Variants in ADAM10 observed in about 807,000 individuals in gnomAD.
ADAM10 encodes the protein ADAM metallopeptidase domain 10.
In ADAM10, 17 loss-of-function variants were observed where a neutral mutation model predicts 90.1. That is an observed-to-expected ratio of 0.19 (90% CI 0.13 to 0.28). The LOEUF (loss-of-function observed/expected upper bound fraction) is 0.28, where lower values mean the gene tolerates loss of function less well. Among genes scored for constraint, ADAM10 ranks in the 10% least tolerant of loss-of-function variants. ADAM10 has a pLI of 1.00. For missense variants in ADAM10, 610 were observed against 914.3 expected, an observed-to-expected ratio of 0.67 and a Z score of 4.29; for synonymous variants, 310 against 298.6, an observed-to-expected ratio of 1.04 and a Z score of -0.40.
chr15:58,636,902 C>CA (rs1328456959), intron 8 of ADAM10, among the ~76,000 whole-genome samples: 1 of 152,106 alleles, frequency 6.6e-6, no homozygotes, highest in African/African-American at 2.4e-5. Context: ...CAAGTGATAC[C>CA]AGGAAATGTG....
chr15:58,678,583 A>G (rs1320857299), intron 4 of ADAM10, among the ~76,000 whole-genome samples: 3 of 152,204 alleles, frequency 2.0e-5, no homozygotes, highest in Non-Finnish European at 2.9e-5. Context: ...TACATTTTCT[A>G]TTCTTAGAAA....
chr15:58,746,576 T>C (rs569341967), intron 1 of ADAM10, among the ~76,000 whole-genome samples: 5 of 152,288 alleles, frequency 3.3e-5, no homozygotes, highest in Non-Finnish European at 7.3e-5. Context: ...ATCCTAGTAA[T>C]ATGTAATATG....
At chr15:58,705,750 T>C (rs1340390998) in intron 2 of ADAM10, among the ~76,000 whole-genome samples, 2 of 152,088 alleles carry the variant, frequency 1.3e-5, no homozygotes, top group African/African-American at 4.8e-5. Context: ...GAATATAGAG[T>C]AGTCCCCTCT....
chr15:58,655,677 C>CT (rs1555414878), intron 5 of ADAM10, among the ~76,000 whole-genome samples: 1 of 72,470 alleles, frequency 1.4e-5, no homozygotes. Flanking sequence ...TACATACATA[C>CT]ATATATATAT....
chr15:58,678,780 T>C (rs750637841), intron 4 of ADAM10, among the ~76,000 whole-genome samples: 2 of 152,210 alleles, frequency 1.3e-5, no homozygotes, highest in Non-Finnish European at 2.9e-5. Context: ...GTAATGATGC[T>C]CTTCTACCTT....
intron 1 of ADAM10, among the ~76,000 whole-genome samples, chr15:58,730,183 T>G (rs1393444358): frequency 6.6e-6 from 1 of 152,156 alleles, no homozygotes; most frequent in African/African-American, 2.4e-5. Context: ...ATGTAAGCAT[T>G]TAACAATACA....
intron 2 of ADAM10, among the ~76,000 whole-genome samples, chr15:58,686,037 G>C (rs1304645370): frequency 6.6e-6 from 1 of 152,140 alleles, no homozygotes; most frequent in Non-Finnish European, 1.5e-5. Context: ...ACAACAAGCA[G>C]TGAAGGACTA....
rs777379604 is a variant in ADAM10 at position 58,682,158 on chromosome 15, A to G, written c.325+38T>C. The G allele has an allele frequency of 4.4e-6, 7 of 1,604,758 alleles. No individual in the cohort carries two copies. In the South Asian group the frequency reaches 7.8e-5, roughly 18 times the overall value. On this transcript the variant is annotated intron_variant, in intron 3 of 15. Coordinates refer to ENST00000260408, the MANE Select transcript of ADAM10 (RefSeq NM_001110.4). ...ATGAGTATCTTTGTGTAGAAAAAAAAAAATGGAAGAAAAGGGTTCTGTTAA... is the reference window on the plus strand; with the variant it reads ...ATGAGTATCTTTGTGTAGAAAAAAAGAAATGGAAGAAAAGGGTTCTGTTAA...
intron 5 of ADAM10, among the ~76,000 whole-genome samples, chr15:58,652,065 T>G (rs1278227839): frequency 3.3e-5 from 5 of 152,218 alleles, no homozygotes; most frequent in African/African-American, 1.2e-4. Context: ...AAATGTCTAT[T>G]CAGATCTTTT....
At position 58,749,469 on chromosome 15, in the gene ADAM10, T is replaced by A; in HGVS notation, c.55+11A>T. On this transcript the variant is annotated intron_variant, in intron 1 of 15. Coordinates refer to ENST00000260408, the MANE Select transcript of ADAM10 (RefSeq NM_001110.4). ...GTCGCGGCGCCCCCGGCGCTCGCAG[T>A]CGTGCCTCACCTCCCATCCCCGCCG... The A allele has an allele frequency of 6.5e-7, 1 of 1,540,266 alleles. No individual in the cohort carries two copies. Among genetic ancestry groups the A allele is most frequent in the South Asian group, 1.2e-5 (1 of 83,042 alleles).
At chr15:58,694,909 A>C (rs1897933373) in intron 2 of ADAM10, among the ~76,000 whole-genome samples, 1 of 152,170 alleles carries the variant, frequency 6.6e-6, no homozygotes, top group Non-Finnish European at 1.5e-5. Flanking sequence ...AAGAGTAAAA[A>C]GTAATGAGGG....
intron 1 of ADAM10, among the ~76,000 whole-genome samples, chr15:58,725,264 T>C (rs1238188737): frequency 1.3e-5 from 2 of 150,992 alleles, no homozygotes; most frequent in South Asian, 2.1e-4. Context: ...GGCATGGTAG[T>C]GCATGCCTGC....
At chr15:58,597,787 T>C (rs142234259) in intron 15 of ADAM10, 146 bp from the exon 16 acceptor site, 3 of 691,028 alleles carry the variant, frequency 4.3e-6, no homozygotes, top group Non-Finnish European at 6.6e-6. Context: ...AATCTTCTGA[T>C]AGCCACAATA....
intron 5 of ADAM10, among the ~76,000 whole-genome samples, chr15:58,663,756 T>C (rs1426867448): frequency 6.6e-6 from 1 of 152,094 alleles, no homozygotes; most frequent in Non-Finnish European, 1.5e-5. Context: ...TTTCCTTACA[T>C]AGGTCTTATA....
chr15:58,721,004 C>G (rs976818831), intron 1 of ADAM10, among the ~76,000 whole-genome samples: 1 of 152,216 alleles, frequency 6.6e-6, no homozygotes, highest in African/African-American at 2.4e-5. Flanking sequence ...TCTGTCTCTG[C>G]TGCTTAAATC....
chr15:58,683,275 T>C (rs1298173909), intron 2 of ADAM10, among the ~76,000 whole-genome samples: 1 of 152,152 alleles, frequency 6.6e-6, no homozygotes, highest in African/African-American at 2.4e-5. Flanking sequence ...AAGTATTACG[T>C]CTTTTTTTTT....
At position 58,627,433 on chromosome 15, in the gene ADAM10, T is replaced by C. The variant is rs536991535; in HGVS notation, c.1360+267A>G. Among the ~76,000 whole-genome samples the C allele has an allele frequency of 1.5e-3, 231 of 150,212 alleles. 1 individual carries two copies. Among genetic ancestry groups the C allele is most frequent in the African/African-American group, 5.4e-3 (215 of 39,586 alleles). ...TATGCAGAAAACAGAAAAAGAACTA[T>C]AAACAATATTGAACTCTAGTTAATG... On this transcript the variant is annotated intron_variant, in intron 10 of 15. Transcript: ENST00000260408.
chr15:58,688,506 A>G (rs1389518411), intron 2 of ADAM10, among the ~76,000 whole-genome samples: 1 of 152,028 alleles, frequency 6.6e-6, no homozygotes, highest in Non-Finnish European at 1.5e-5. Flanking sequence ...GACAAAGAAG[A>G]AGAAAATTAG....
chr15:58,639,277 C>A (rs1566976547), intron 8 of ADAM10, among the ~76,000 whole-genome samples: 2 of 152,172 alleles, frequency 1.3e-5, no homozygotes, highest in South Asian at 4.1e-4. Flanking sequence ...TGCCTATGAA[C>A]TTATATTTCT....
Sources: gnomAD v4.1 joint callset for allele counts (sites outside exome capture counted in the v4.1 genomes callset) on GRCh38, gnomAD v4.1.1 for gene constraint, MANE v1.5 for transcripts, NCBI Gene and HGNC (gene_info 2026-07-23, HGNC 2026-07-21) for gene names.